The following NPAS3 variants were observed in gnomAD, a reference collection of about 807,000 sequenced individuals.
The protein encoded by NPAS3 is neuronal PAS domain protein 3.
Under a neutral mutation model 73.1 loss-of-function variants are expected in NPAS3, and 14 were observed. The ratio of observed to expected loss-of-function variants is 0.19; its 90% confidence interval spans 0.13 to 0.30. NPAS3 has a LOEUF of 0.30. Ranked by LOEUF, NPAS3 falls within the 10% of genes least tolerant of loss-of-function variation. The pLI is 1.00. For synonymous variants in NPAS3, 620 were observed against 541.5 expected, an observed-to-expected ratio of 1.14 and a Z score of -2.01; for missense variants, 1,096 against 1,250.0, an observed-to-expected ratio of 0.88 and a Z score of 1.86.
intron 5 of NPAS3, among the ~76,000 whole-genome samples, chr14:33,650,205 C>T (rs758592824): frequency 3.2e-4 from 48 of 152,160 alleles, no homozygotes; most frequent in Non-Finnish European, 6.3e-4. Flanking sequence ...ACAGCAGCAA[C>T]TTATTAGAAG....
In NPAS3 at chr14:33,138,693, G is replaced by A. The variant is rs28585596; in HGVS notation, c.141-76489G>A. Among the ~76,000 whole-genome samples, 459 of 152,278 alleles carry A rather than the reference G, an allele frequency of 3.0e-3. 1 individual carries two copies. The highest frequency in any genetic ancestry group is 0.011 in the African/African-American group (443 of 41,556). The stretch of plus-strand genomic sequence containing the variant: ...ATGGTGTCTAAGGAAGAGGGAATGA[G>A]ACAGGGTTCCAGTGATCTCATGTGT... On this transcript the variant is annotated intron_variant, in intron 2 of 11. Coordinates refer to ENST00000356141, the Ensembl canonical transcript of NPAS3.
intron 4 of NPAS3, among the ~76,000 whole-genome samples, chr14:33,412,814 G>A (rs1281926398): frequency 6.6e-6 from 1 of 152,170 alleles, no homozygotes; most frequent in African/African-American, 2.4e-5. Flanking sequence ...TTGGGAGTAA[G>A]TTGTAAACCA....
intron 4 of NPAS3, among the ~76,000 whole-genome samples, chr14:33,486,659 C>G (rs1039271197): frequency 6.6e-6 from 1 of 152,120 alleles, no homozygotes; most frequent in Non-Finnish European, 1.5e-5. Flanking sequence ...CTAGTCAGCT[C>G]GGTCAGAGTA....
At chr14:33,703,462 T>C (rs2060575919) in intron 6 of NPAS3, among the ~76,000 whole-genome samples, 1 of 152,118 alleles carries the variant, frequency 6.6e-6, no homozygotes, top group Admixed American at 6.5e-5. Context: ...CTGCTGCACT[T>C]CAGCTTGGGC....
chr14:33,045,473 C>T (rs61974897), intron 1 of NPAS3, among the ~76,000 whole-genome samples: 37 of 152,126 alleles, frequency 2.4e-4, no homozygotes, highest in Non-Finnish European at 3.5e-4. Flanking sequence ...TGATTTAATT[C>T]ATTTAGTAAG....
rs775961952 is a variant in NPAS3 at position 33,367,220 on chromosome 14, A to G, written c.420A>G (p.Ala140=). 9.2e-6 allele frequency: 8 copies of G among 868,398 alleles called. No homozygotes were observed. In the Admixed American group the frequency reaches 1.4e-4, roughly 15 times the overall value. The allele number at this position is 868,398 out of a possible 1,614,324, so 53.8% of individuals were successfully genotyped here. Residue 140 remains alanine (A), a synonymous_variant, in exon 4 of 12, where the codon GCA becomes GCG. Coordinates refer to ENST00000356141, the Ensembl canonical transcript of NPAS3. ...CACAGCGAAGGAGAAGCCCCAGTGCACTAGCCATTGAAGTATTTGAAGCAC... is the reference window on the plus strand; with the variant it reads ...CACAGCGAAGGAGAAGCCCCAGTGCGCTAGCCATTGAAGTATTTGAAGCAC...
intron 2 of NPAS3, among the ~76,000 whole-genome samples, chr14:33,092,385 A>C (rs564628941): frequency 7.9e-5 from 12 of 152,326 alleles, no homozygotes; most frequent in African/African-American, 2.9e-4. Context: ...TGAGAAGAAT[A>C]AAATACCTAG....
rs147774442 is a variant in NPAS3, at chr14:33,498,794, T to C, written c.469-61327T>C. 5.8e-3 allele frequency among the ~76,000 whole-genome samples: 880 copies of C among 151,968 alleles called. 13 individuals carry two copies. The highest frequency in any genetic ancestry group is 0.019 in the African/African-American group (789 of 41,476). On this transcript the variant is annotated intron_variant, in intron 4 of 11. Transcript: ENST00000356141. ...GCATGTGTATACCTATGTAACAAACTTGCATGTTCCGCACACGTATCCCAG... is the reference window on the plus strand; with the variant it reads ...GCATGTGTATACCTATGTAACAAACCTGCATGTTCCGCACACGTATCCCAG...
chr14:32,987,044 A>G (rs2038128121), intron 1 of NPAS3, among the ~76,000 whole-genome samples: 1 of 152,180 alleles, frequency 6.6e-6, no homozygotes, highest in African/African-American at 2.4e-5. Flanking sequence ...AGAAGATGCC[A>G]GTCAGGGATG....
rs74042038 is a variant in NPAS3 at position 33,326,428 on chromosome 14, T to C, written c.386-40758T>C. Among the ~76,000 whole-genome samples, 865 of 152,348 alleles carry C rather than the reference T, an allele frequency of 5.7e-3. 12 individuals carry two copies. The highest frequency in any genetic ancestry group is 0.02 in the African/African-American group (827 of 41,588). On this transcript the variant is annotated intron_variant, in intron 3 of 11. Transcript: ENST00000356141. ...CCTGGCTATTTTTATACTTTAGCTC[T>C]GTCAACTTCGGCAAGTTAGAAAGTC...
chr14:33,698,317 G>GT (rs201054725), intron 6 of NPAS3, among the ~76,000 whole-genome samples: 2 of 152,126 alleles, frequency 1.3e-5, no homozygotes, highest in African/African-American at 4.8e-5. Context: ...CAAAAGAAAG[G>GT]TTTTTTTAAA....
In NPAS3 at chr14:33,543,995, A is replaced by C. The variant is rs866783170; in HGVS notation, c.469-16126A>C. Among the ~76,000 whole-genome samples the C allele has an allele frequency of 1.3e-3, 156 of 121,412 alleles. 1 individual carries two copies. Among genetic ancestry groups the C allele is most frequent in the South Asian group, 6.8e-3 (25 of 3,680 alleles). 79.7% of individuals were successfully genotyped at this position (121,412 alleles called of 152,430 possible). On this transcript the variant is annotated intron_variant, in intron 4 of 11. Transcript: ENST00000356141. ...TATATATATATATATATATATATAT[A>C]TATATATCTATATCAGGAATAGGTG...
intron 4 of NPAS3, among the ~76,000 whole-genome samples, chr14:33,417,701 T>C (rs2048204957): frequency 6.6e-6 from 1 of 151,972 alleles, no homozygotes; most frequent in Admixed American, 6.6e-5. Flanking sequence ...AGCATCTGCC[T>C]TATTCAGGAT....
intron 4 of NPAS3, among the ~76,000 whole-genome samples, chr14:33,405,720 G>A (rs566811563): frequency 1.3e-5 from 2 of 152,192 alleles, no homozygotes; most frequent in African/African-American, 2.4e-5. Flanking sequence ...ATTCATCAGA[G>A]TGCTTCTTCT....
chr14:33,488,514 C>T (rs1240623420), intron 4 of NPAS3, among the ~76,000 whole-genome samples: 1 of 152,106 alleles, frequency 6.6e-6, no homozygotes, highest in Non-Finnish European at 1.5e-5. Context: ...TTTAGGAACC[C>T]AAAATGAACA....
chr14:33,605,094 A>G (rs892669342), intron 5 of NPAS3, among the ~76,000 whole-genome samples: 2 of 152,016 alleles, frequency 1.3e-5, no homozygotes, highest in Admixed American at 1.3e-4. Flanking sequence ...GTAGAAATCA[A>G]TGAAATAGAA....
chr14:33,342,768 C>A (rs983451431), intron 3 of NPAS3, among the ~76,000 whole-genome samples: 2 of 151,800 alleles, frequency 1.3e-5, no homozygotes, highest in African/African-American at 4.8e-5. Context: ...TCTTGGTATG[C>A]CGTGTGTTGT....
At chr14:32,995,948 G>A (rs2038552749) in intron 1 of NPAS3, among the ~76,000 whole-genome samples, 1 of 152,206 alleles carries the variant, frequency 6.6e-6, no homozygotes, top group Admixed American at 6.5e-5. Context: ...GAACAATTTG[G>A]AGGGCTCAGA....
intron 4 of NPAS3, among the ~76,000 whole-genome samples, chr14:33,476,994 A>G (rs2051064938): frequency 6.6e-6 from 1 of 151,522 alleles, no homozygotes; most frequent in Admixed American, 6.6e-5. Flanking sequence ...CTTTTATTTA[A>G]ATAATTCATC....
Sources: allele counts gnomAD v4.1 joint callset (sites outside exome capture counted in the v4.1 genomes callset), GRCh38; gene constraint gnomAD v4.1.1; transcripts MANE v1.5; gene names NCBI Gene and HGNC (gene_info 2026-07-23, HGNC 2026-07-21).